USP47: variants seen among roughly 807,000 people sequenced by gnomAD.
USP47 encodes ubiquitin specific peptidase 47, also known as ubiquitin carboxyl-terminal hydrolase 47.
A neutral mutation model predicts 165.1 loss-of-function variants in USP47; 35 were observed. The observed-to-expected ratio is 0.21, with a 90% CI of 0.16 to 0.28. The LOEUF (loss-of-function observed/expected upper bound fraction) is 0.28, where lower values mean the gene tolerates loss of function less well. USP47 is among the 10% of genes least tolerant of loss of function. The probability of loss-of-function intolerance (pLI) is 1.00; values close to 1 mark genes in which losing one functional copy is unlikely to be tolerated. For synonymous variants in USP47, 531 were observed against 544.5 expected (o/e 0.98, Z 0.35); for missense variants, 1,277 against 1,607.4 (o/e 0.79, Z 3.52).
chr11:11,916,187 G>A (rs1421547645), intron 8 of USP47, among the ~76,000 whole-genome samples: 1 of 152,098 alleles, frequency 6.6e-6, no homozygotes, highest in African/African-American at 2.4e-5. Context: ...GGTGGCTCAC[G>A]CCTGTAATCC....
chr11:11,930,166 A>G (rs1053744291), intron 13 of USP47, 46 bp downstream of exon 13: 14 of 1,506,128 alleles, frequency 9.3e-6, no homozygotes, highest in Middle Eastern at 3.6e-4. Flanking sequence ...AGAATTAATT[A>G]TAGCTTCTCA....
intron 3 of USP47, among the ~76,000 whole-genome samples, chr11:11,885,404 G>A (rs1421829571): frequency 2.0e-5 from 3 of 152,204 alleles, no homozygotes; most frequent in Non-Finnish European, 2.9e-5. Flanking sequence ...AGGGTGGGGC[G>A]ATGGCCCACC....
chr11:11,880,487 A>T, intron 2 of USP47, 107 bp downstream of exon 2: 1 of 850,308 alleles, frequency 1.2e-6, no homozygotes, highest in South Asian at 5.4e-5. Flanking sequence ...AAACAAAAGT[A>T]TAACAACTAC....
chr11:11,920,877 A>G lies in USP47; in HGVS notation c.1218+383A>G, dbSNP rs375090940. ...TTCTGATCTATAATAAATGCAGACAATGCCTATGATGGAATGAATGAACCA... is the reference window on the plus strand; with the variant it reads ...TTCTGATCTATAATAAATGCAGACAGTGCCTATGATGGAATGAATGAACCA... On this transcript the variant is annotated intron_variant, in intron 10 of 27. Coordinates refer to ENST00000527733, the MANE Select transcript of USP47 (RefSeq NM_001282659.2). Among the ~76,000 whole-genome samples, 25 of 151,982 alleles carry G rather than the reference A, an allele frequency of 1.6e-4. No individual in the cohort carries two copies. The South Asian group carries it at 1.7e-3, about 10-fold the overall frequency.
chr11:11,847,676 C>T (rs1590215860), intron 1 of USP47, among the ~76,000 whole-genome samples: 1 of 152,248 alleles, frequency 6.6e-6, no homozygotes, highest in East Asian at 1.9e-4. Context: ...TCTTTCTCTC[C>T]ATGGCTCTGC....
intron 16 of USP47, among the ~76,000 whole-genome samples, chr11:11,934,512 T>G (rs1854912851): frequency 6.6e-6 from 1 of 152,114 alleles, no homozygotes. Context: ...GTCAGATGCG[T>G]TACCCATTCC....
intron 7 of USP47, among the ~76,000 whole-genome samples, chr11:11,904,267 T>C (rs536033458): frequency 2.0e-5 from 3 of 152,160 alleles, no homozygotes; most frequent in Non-Finnish European, 4.4e-5. Flanking sequence ...AAGAAGACAA[T>C]CACATATGAC....
intron 1 of USP47, among the ~76,000 whole-genome samples, chr11:11,858,592 C>T (rs1849197384): frequency 6.6e-6 from 1 of 152,196 alleles, no homozygotes; most frequent in Non-Finnish European, 1.5e-5. Flanking sequence ...TTCCTCCAGG[C>T]TCTGGCAACC....
intron 17 of USP47, 42 bp downstream of exon 17, chr11:11,936,552 A>T: frequency 7.0e-7 from 1 of 1,429,042 alleles, no homozygotes; most frequent in Non-Finnish European, 9.3e-7. Context: ...TGTACTTAGA[A>T]TTTTCATGAG....
At chr11:11,914,883 A>C (rs1165415145) in intron 8 of USP47, among the ~76,000 whole-genome samples, 1 of 152,202 alleles carries the variant, frequency 6.6e-6, no homozygotes, top group Non-Finnish European at 1.5e-5. Flanking sequence ...AAACTGTATC[A>C]CACATACACT....
intron 1 of USP47, 52 bp downstream of exon 1, chr11:11,842,276 A>T: frequency 6.5e-7 from 1 of 1,537,660 alleles, no homozygotes; most frequent in Non-Finnish European, 8.8e-7. Flanking sequence ...GCTCGAGGCA[A>T]CACAGGCCCG....
chr11:11,865,951 T>C (rs999927219), intron 1 of USP47, among the ~76,000 whole-genome samples: 2 of 152,178 alleles, frequency 1.3e-5, no homozygotes, highest in Non-Finnish European at 1.5e-5. Context: ...GCAAATATTT[T>C]CTCCCATTCT....
chr11:11,851,231 G>C (rs552718858), intron 1 of USP47, among the ~76,000 whole-genome samples: 1 of 152,136 alleles, frequency 6.6e-6, no homozygotes, highest in African/African-American at 2.4e-5. Context: ...TAATTCCCCA[G>C]TTTTCATTAT....
rs535878331 is a variant in USP47 at position 11,861,082 on chromosome 11, C to CT, written c.39+18861dup. 2.7e-3 allele frequency among the ~76,000 whole-genome samples: 407 copies of CT among 152,070 alleles called. 3 individuals are homozygous for CT. The highest frequency in any genetic ancestry group is 9.2e-3 in the African/African-American group (380 of 41,510). ...ATCTGATGTTCAAAGGTCCATCCAA[C>CT]TTTATTTTATTTTATTTTATTTTAT... On this transcript the variant is annotated intron_variant, in intron 1 of 27. Coordinates refer to ENST00000527733, the MANE Select transcript of USP47 (RefSeq NM_001282659.2).
chr11:11,859,754 A>G (rs568945598), intron 1 of USP47, among the ~76,000 whole-genome samples: 33 of 152,272 alleles, frequency 2.2e-4, no homozygotes, highest in South Asian at 4.1e-4. Context: ...TTATTTTTGT[A>G]TGGTATTACT....
intron 4 of USP47, among the ~76,000 whole-genome samples, chr11:11,896,561 A>G (rs1489471402): frequency 6.6e-6 from 1 of 152,222 alleles, no homozygotes; most frequent in South Asian, 2.1e-4. Flanking sequence ...CTTAGATACC[A>G]TACAAACTTG....
intron 8 of USP47, among the ~76,000 whole-genome samples, chr11:11,918,138 A>G (rs544813990): frequency 5.9e-5 from 9 of 152,200 alleles, no homozygotes; most frequent in South Asian, 2.1e-4. Flanking sequence ...GCCTGTGACT[A>G]TGCTACCCTT....
chr11:11,852,741 A>C (rs1848798378), intron 1 of USP47, among the ~76,000 whole-genome samples: 1 of 152,122 alleles, frequency 6.6e-6, no homozygotes, highest in African/African-American at 2.4e-5. Context: ...AAATTTCTTA[A>C]CTGGGAGGCA....
At chr11:11,929,285 T>G in intron 11 of USP47, 149 bp from the exon 12 acceptor site, 1 of 1,056,046 alleles carries the variant, frequency 9.5e-7, no homozygotes, top group Non-Finnish European at 1.3e-6. Context: ...TAACTTGCCA[T>G]TTTTGTTTTA....
Sources: gnomAD v4.1 joint callset for allele counts (sites outside exome capture counted in the v4.1 genomes callset) on GRCh38, gnomAD v4.1.1 for gene constraint, MANE v1.5 for transcripts, NCBI Gene and HGNC (gene_info 2026-07-23, HGNC 2026-07-21) for gene names.